The following CEP63 variants were observed in gnomAD, a reference collection of about 807,000 sequenced individuals.
The protein encoded by CEP63 is centrosomal protein 63, also known as centrosomal protein of 63 kDa.
A neutral mutation model predicts 89.1 loss-of-function variants in CEP63; 84 were observed. The ratio of observed to expected loss-of-function variants is 0.94; its 90% CI spans 0.79 to 1.13. The LOEUF is 1.13. Ranked by LOEUF, CEP63 falls within the 50% of genes most tolerant of loss-of-function variation. The pLI, the probability that CEP63 is intolerant of heterozygous loss-of-function variation, is 0.00. For missense variants in CEP63, 838 were observed against 813.3 expected, an observed-to-expected ratio of 1.03 and a Z score of -0.37; for synonymous variants, 267 against 272.5, an observed-to-expected ratio of 0.98 and a Z score of 0.20.
the CEP63 span, chr3:134,643,192 A>G: frequency 7.3e-6 from 6 of 817,266 alleles, no homozygotes; most frequent in African/African-American, 8.6e-5. Flanking sequence ...TCCAACACCC[A>G]TGGGAGCAGA....
chr3:134,544,795 A>C (rs373857652), intron 6 of CEP63, among the ~76,000 whole-genome samples: 2 of 152,060 alleles, frequency 1.3e-5, no homozygotes, highest in African/African-American at 2.4e-5. Context: ...GAGTAGGTAG[A>C]ATACTGTAGC....
At chr3:134,608,606 T>C in the CEP63 span, 4 of 1,613,798 alleles carry the variant, frequency 2.5e-6, no homozygotes, top group Admixed American at 3.3e-5. Flanking sequence ...TGCGAAATGC[T>C]CCATTCCTGC....
chr3:134,575,497 C>T (rs142615757), downstream of CEP63, among the ~76,000 whole-genome samples: 5 of 90,504 alleles, frequency 5.5e-5, no homozygotes, highest in South Asian at 4.6e-4. Flanking sequence ...CCCTCCCTTT[C>T]TTCCTTTCTT....
chr3:134,629,648 G>T, the CEP63 span: 2 of 1,602,106 alleles, frequency 1.2e-6, no homozygotes, highest in South Asian at 1.1e-5. Context: ...TTCTTGAGCA[G>T]CTGGGGCATG....
chr3:134,611,295 A>G, the CEP63 span, among the ~76,000 whole-genome samples: 6 of 152,190 alleles, frequency 3.9e-5, no homozygotes, highest in Non-Finnish European at 8.8e-5. Flanking sequence ...GGGAAGATAT[A>G]AAATGAGACA....
At chr3:134,722,723 A>G in the CEP63 span, among the ~76,000 whole-genome samples, 25 of 152,314 alleles carry the variant, frequency 1.6e-4, no homozygotes, top group South Asian at 5.0e-3. Flanking sequence ...CAGGTATTCA[A>G]TAAATGTTAG....
At chr3:134,500,046 G>A (rs1293898393) in intron 2 of CEP63, among the ~76,000 whole-genome samples, 2 of 151,782 alleles carry the variant, frequency 1.3e-5, no homozygotes, top group Non-Finnish European at 2.9e-5. Flanking sequence ...GGCTGGTCTC[G>A]AACTCCTGAT....
chr3:134,589,917 A>C (rs766648546), downstream of CEP63, among the ~76,000 whole-genome samples: 10 of 152,254 alleles, frequency 6.6e-5, no homozygotes, highest in Admixed American at 6.5e-4. Flanking sequence ...CTATGAAGCC[A>C]TAAAAAAGCA....
intron 12 of CEP63, chr3:134,553,598 T>G (rs1036596913): frequency 6.6e-6 from 1 of 152,170 alleles, no homozygotes; most frequent in African/African-American, 2.4e-5. Flanking sequence ...ATAGACATTC[T>G]TTTACTAATT....
the CEP63 span, among the ~76,000 whole-genome samples, chr3:134,781,225 T>C: frequency 6.6e-6 from 1 of 152,224 alleles, no homozygotes; most frequent in African/African-American, 2.4e-5. Flanking sequence ...CAGGGTCAAA[T>C]TGTCAAATTC....
the CEP63 span, among the ~76,000 whole-genome samples, chr3:134,601,789 A>G: frequency 6.6e-6 from 1 of 152,188 alleles, no homozygotes; most frequent in Non-Finnish European, 1.5e-5. Context: ...GGGCTAGGCC[A>G]CCGTGCTGGG....
chr3:134,572,616 A>G (rs922551315), intron 11 of CEP63, among the ~76,000 whole-genome samples: 2 of 152,222 alleles, frequency 1.3e-5, no homozygotes, highest in Non-Finnish European at 2.9e-5. Context: ...GTAGTATTCC[A>G]TGGTGTATAT....
chr3:134,690,743 A>ATTTTTTTTTTTTTTTTTTTTTTTT, the CEP63 span, among the ~76,000 whole-genome samples: 20 of 120,796 alleles, frequency 1.7e-4, 3 homozygotes, highest in African/African-American at 5.9e-4. Context: ...GAAGACCAAG[A>ATTTTTTTTTTTTTTTTTTTTTTTT]TTTTTTTTTT....
rs183096220 is a variant in CEP63 at position 134,558,457 on chromosome 3, A to G, written c.1673+110A>G. The G allele has an allele frequency of 1.9e-4, 160 of 823,262 alleles. No individual in the cohort carries two copies. The African/African-American group carries it at 2.3e-3, about 12-fold the overall frequency. 51.0% of individuals were successfully genotyped at this position (823,262 alleles called of 1,614,324 possible). A position where few individuals can be genotyped will look rare whatever the true frequency, so the allele number is the denominator to read the frequency against. On this transcript the variant is annotated intron_variant, in intron 13 of 14. Coordinates refer to ENST00000675561, the MANE Select transcript of CEP63 (RefSeq NM_001353108.3). ...AATTAAATCTTCATCAAAGGACTCT[A>G]TGTTTAATTCTGAAGTATAGTGTGC...
intron 9 of CEP63, 139 bp downstream of exon 9, chr3:134,547,611 TTTC>T: frequency 5.1e-6 from 2 of 391,632 alleles, no homozygotes; most frequent in Non-Finnish European, 4.2e-6. Flanking sequence ...TAAGTTCTTA[TTTC>T]TTTTTTTTTT....
the CEP63 span, among the ~76,000 whole-genome samples, chr3:134,663,004 G>A: frequency 6.6e-6 from 1 of 152,192 alleles, no homozygotes; most frequent in Non-Finnish European, 1.5e-5. Context: ...CCAGTTTAAT[G>A]TCCAGCTTCG....
intron 1 of CEP63, among the ~76,000 whole-genome samples, chr3:134,494,368 G>A (rs781580874): frequency 2.6e-5 from 4 of 151,306 alleles, no homozygotes; most frequent in Non-Finnish European, 4.4e-5. Context: ...CGCCTCCCTC[G>A]GCCTCCCAAG....
intron 10 of CEP63, among the ~76,000 whole-genome samples, chr3:134,583,296 G>A (rs147189769): frequency 0.018 from 2,734 of 152,142 alleles, 67 homozygotes; most frequent in African/African-American, 0.053. Context: ...TTTCTTCTAG[G>A]GTTTTTATGG....
the CEP63 span, among the ~76,000 whole-genome samples, chr3:134,692,164 GT>G: frequency 6.6e-6 from 1 of 151,932 alleles, no homozygotes. Context: ...CAACGTGCAG[GT>G]TTGTTACATA....
Sources: gnomAD v4.1 joint callset for allele counts (sites outside exome capture counted in the v4.1 genomes callset) on GRCh38, gnomAD v4.1.1 for gene constraint, MANE v1.5 for transcripts, NCBI Gene and HGNC (gene_info 2026-07-23, HGNC 2026-07-21) for gene names.